MCC: variants seen among roughly 807,000 people sequenced by gnomAD.
MCC encodes MCC regulator of Wnt signaling pathway.
MCC carries 90 observed loss-of-function variants against 116.2 expected under a neutral mutation model. That is an observed-to-expected ratio of 0.77 (90% CI 0.65 to 0.92). The LOEUF (loss-of-function observed/expected upper bound fraction) is 0.92, where lower values mean the gene tolerates loss of function less well. Ranked by LOEUF, MCC falls within the 40% of genes least tolerant of loss-of-function variation. The pLI, the probability that MCC is intolerant of heterozygous loss-of-function variation, is 0.00. For missense variants in MCC, 1,516 were observed against 1,312.2 expected, an observed-to-expected ratio of 1.16 and a Z score of -2.40; for synonymous variants, 578 against 510.5, an observed-to-expected ratio of 1.13 and a Z score of -1.78.
At chr5:113,416,556 CTACA>C (rs1770154189) in intron 1 of MCC, among the ~76,000 whole-genome samples, 1 of 152,028 alleles carries the variant, frequency 6.6e-6, no homozygotes, top group Non-Finnish European at 1.5e-5. Flanking sequence ...ACAGTATATT[CTACA>C]TACATATATA....
At chr5:113,351,135 C>T (rs1425533199) in intron 2 of MCC, among the ~76,000 whole-genome samples, 5 of 151,922 alleles carry the variant, frequency 3.3e-5, no homozygotes, top group African/African-American at 1.2e-4. Flanking sequence ...GGAGGTTTTT[C>T]AAAAACCTAA....
intron 3 of MCC, among the ~76,000 whole-genome samples, chr5:113,238,190 C>T (rs1764222772): frequency 1.3e-5 from 2 of 152,076 alleles, no homozygotes; most frequent in African/African-American, 4.8e-5. Context: ...GGTAGAGGCA[C>T]CACTGTTGAA....
intron 14 of MCC, among the ~76,000 whole-genome samples, chr5:113,056,731 T>TAA (rs11461704): frequency 6.7e-6 from 1 of 148,700 alleles, no homozygotes; most frequent in African/African-American, 2.5e-5. Context: ...AAAATAAAAG[T>TAA]AAAAAAAAAA....
At chr5:113,399,285 A>G (rs570998376) in intron 1 of MCC, among the ~76,000 whole-genome samples, 2 of 152,182 alleles carry the variant, frequency 1.3e-5, no homozygotes, top group Non-Finnish European at 2.9e-5. Flanking sequence ...GGAGATTGAG[A>G]CCATCCTGGC....
At chr5:113,076,562 G>A (rs1387341234) in intron 11 of MCC, among the ~76,000 whole-genome samples, 1 of 152,152 alleles carries the variant, frequency 6.6e-6, no homozygotes, top group Non-Finnish European at 1.5e-5. Flanking sequence ...GCCAAACTAA[G>A]CTTCATAAGT....
chr5:113,222,074 G>A (rs1278308122), intron 3 of MCC, among the ~76,000 whole-genome samples: 3 of 152,196 alleles, frequency 2.0e-5, no homozygotes, highest in African/African-American at 7.2e-5. Flanking sequence ...GTCAGGTTGA[G>A]AAAGTTCCCT....
intron 1 of MCC, among the ~76,000 whole-genome samples, chr5:113,406,012 AT>A (rs980092931): frequency 5.3e-5 from 8 of 152,148 alleles, no homozygotes; most frequent in African/African-American, 1.7e-4. Context: ...CTAAATAATT[AT>A]GTCTCAAAAG....
At chr5:113,375,096 G>T (rs771684752) in intron 2 of MCC, among the ~76,000 whole-genome samples, 1 of 151,890 alleles carries the variant, frequency 6.6e-6, no homozygotes, top group Non-Finnish European at 1.5e-5. Context: ...ATATAACTCG[G>T]TATGATGCAC....
chr5:113,437,881 G>T (rs1770908016), intron 1 of MCC, among the ~76,000 whole-genome samples: 1 of 152,152 alleles, frequency 6.6e-6, no homozygotes. Flanking sequence ...AATTTTGGCA[G>T]GAGTGGTAAA....
chr5:113,087,855 A>C (rs961080603), intron 8 of MCC, among the ~76,000 whole-genome samples: 2 of 152,068 alleles, frequency 1.3e-5, no homozygotes, highest in African/African-American at 4.8e-5. Context: ...CATTAAAACT[A>C]TCCATGTTTT....
chr5:113,363,270 C>A (rs79692819), intron 2 of MCC, among the ~76,000 whole-genome samples: 1 of 151,926 alleles, frequency 6.6e-6, no homozygotes, highest in East Asian at 1.9e-4. Context: ...AGCGAGACTC[C>A]GTCTCAAAAA....
chr5:113,126,480 A>C (rs1228225980), intron 5 of MCC, among the ~76,000 whole-genome samples: 1 of 152,228 alleles, frequency 6.6e-6, no homozygotes. Context: ...AGCTGCATGA[A>C]TCCATTTATA....
intron 1 of MCC, among the ~76,000 whole-genome samples, chr5:113,388,256 A>T (rs1350041748): frequency 1.3e-5 from 2 of 152,252 alleles, no homozygotes; most frequent in African/African-American, 2.4e-5. Flanking sequence ...GTCAAATTGT[A>T]AGTTTTAAAT....
At chr5:113,071,503 C>A (rs545563169) in intron 11 of MCC, among the ~76,000 whole-genome samples, 54 of 152,270 alleles carry the variant, frequency 3.5e-4, no homozygotes, top group African/African-American at 1.2e-3. Flanking sequence ...GAGCAGGGCA[C>A]AGTGCTAGGC....
At chr5:113,313,144 T>G (rs1450244327) in intron 3 of MCC, among the ~76,000 whole-genome samples, 1 of 151,974 alleles carries the variant, frequency 6.6e-6, no homozygotes, top group Non-Finnish European at 1.5e-5. Flanking sequence ...CAGGAGTTCA[T>G]GACCAGCCTG....
chr5:113,051,529 G>A (rs1392117026), intron 15 of MCC, among the ~76,000 whole-genome samples: 1 of 152,140 alleles, frequency 6.6e-6, no homozygotes, highest in Non-Finnish European at 1.5e-5. Context: ...GACTGGCCTG[G>A]GCAACAAAGT....
At chr5:113,316,067 C>T (rs2150369667) in intron 3 of MCC, among the ~76,000 whole-genome samples, 1 of 152,116 alleles carries the variant, frequency 6.6e-6, no homozygotes, top group African/African-American at 2.4e-5. Flanking sequence ...ACCAGCCTGA[C>T]CAACAAGGTG....
At position 113,122,816 on chromosome 5, in the gene MCC, C is replaced by T; in HGVS notation, c.895G>A (p.Glu299Lys). The change falls in exon 6 of 19, where the codon GAG becomes AAG. Residue 299 changes from glutamate to lysine, a missense_variant. Physicochemically the swap from Glu to Lys is moderately conservative, Grantham distance 56. Coordinates refer to ENST00000408903, the MANE Select transcript of MCC (RefSeq NM_001085377.2). ...LQGTTIREED[E>K]YSELRSELSQ... ...AGTTCTGATCGCAGTTCTGAGTACT[C>T]ATCTTCCTCCCTGAGAAAAAAGGAG... is the stretch of plus-strand genomic sequence containing the variant. 6.2e-7 allele frequency: 1 copy of T among 1,614,162 alleles called. No individual in the cohort carries two copies. The highest frequency in any genetic ancestry group is 1.1e-5 in the South Asian group (1 of 91,074).
At chr5:113,143,676 T>G (rs976509539) in intron 4 of MCC, among the ~76,000 whole-genome samples, 1 of 152,164 alleles carries the variant, frequency 6.6e-6, no homozygotes, top group African/African-American at 2.4e-5. Flanking sequence ...AACAGGCAAG[T>G]GGTCCAAGCT....
Sources: gnomAD v4.1 joint callset for allele counts (sites outside exome capture counted in the v4.1 genomes callset) on GRCh38, gnomAD v4.1.1 for gene constraint, MANE v1.5 for transcripts, NCBI Gene and HGNC (gene_info 2026-07-23, HGNC 2026-07-21) for gene names.